The following NEDD9 variants were observed in gnomAD, a reference collection of about 807,000 sequenced individuals.
NEDD9 encodes the protein neural precursor cell expressed, developmentally down-regulated 9, also known as enhancer of filamentation 1.
In NEDD9, 26 loss-of-function variants were observed where a neutral mutation model predicts 76.6. That is an observed-to-expected ratio of 0.34 (90% CI 0.25 to 0.47). The LOEUF (loss-of-function observed/expected upper bound fraction) is 0.47, where lower values mean the gene tolerates loss of function less well. NEDD9 is among the 20% of genes least tolerant of loss of function. The pLI, the probability that NEDD9 is intolerant of heterozygous loss-of-function variation, is 1.00. For missense variants in NEDD9, 937 were observed against 1,058.5 expected, an observed-to-expected ratio of 0.89 and a Z score of 1.59; for synonymous variants, 392 against 414.2, an observed-to-expected ratio of 0.95 and a Z score of 0.65.
chr6:11,231,477 G>C (rs1205045187), intron 1 of NEDD9, among the ~76,000 whole-genome samples: 1 of 152,212 alleles, frequency 6.6e-6, no homozygotes, highest in Non-Finnish European at 1.5e-5. Context: ...AAGCGAAGTA[G>C]CTTCCAGCTA....
chr6:11,286,259 A>T (rs1216633091), intron 3 of NEDD9, among the ~76,000 whole-genome samples: 1 of 152,228 alleles, frequency 6.6e-6, no homozygotes, highest in Non-Finnish European at 1.5e-5. Context: ...ATCATTAGTC[A>T]TTAGAGAAAT....
At chr6:11,364,244 G>A (rs995533326) in intron 1 of NEDD9, among the ~76,000 whole-genome samples, 12 of 152,244 alleles carry the variant, frequency 7.9e-5, no homozygotes, top group East Asian at 5.8e-4. Flanking sequence ...GTCATAACTC[G>A]TTGCTGGAGG....
chr6:11,273,665 A>T (rs964836538), intron 3 of NEDD9, among the ~76,000 whole-genome samples: 6 of 152,204 alleles, frequency 3.9e-5, no homozygotes, highest in South Asian at 4.1e-4. Context: ...CAATGTTATC[A>T]AGATCCGAAT....
chr6:11,200,131 G>T, intron 2 of NEDD9: 1 of 214,632 alleles, frequency 4.7e-6, no homozygotes, highest in Non-Finnish European at 9.9e-6. Flanking sequence ...GGCTGTGCTG[G>T]GTTTTCTACA....
At chr6:11,360,557 TGA>T (rs5874316) in intron 1 of NEDD9, among the ~76,000 whole-genome samples, 3 of 70,810 alleles carry the variant, frequency 4.2e-5, no homozygotes, top group Non-Finnish European at 8.1e-5. Context: ...TGAGTTCTCA[TGA>T]GATCTGGTTG....
At chr6:11,358,278 T>C (rs542814852) in intron 1 of NEDD9, among the ~76,000 whole-genome samples, 260 of 129,856 alleles carry the variant, frequency 2.0e-3, no homozygotes, top group African/African-American at 7.1e-3. Context: ...AAAAAAGCAA[T>C]GGCTCTGCTG....
intron 3 of NEDD9, among the ~76,000 whole-genome samples, chr6:11,282,273 G>A (rs1180308222): frequency 6.6e-6 from 1 of 152,146 alleles, no homozygotes; most frequent in Non-Finnish European, 1.5e-5. Context: ...TTACAGTTTG[G>A]CTTACATGTT....
chr6:11,342,539 C>T (rs1004477219), intron 1 of NEDD9, among the ~76,000 whole-genome samples: 4 of 152,158 alleles, frequency 2.6e-5, no homozygotes, highest in Admixed American at 6.5e-5. Flanking sequence ...TGTAAAAATC[C>T]TATTCACACA....
chr6:11,222,449 AAG>A (rs1422649111), intron 1 of NEDD9, among the ~76,000 whole-genome samples: 2 of 152,218 alleles, frequency 1.3e-5, no homozygotes, highest in Non-Finnish European at 2.9e-5. Flanking sequence ...TGTCTCAAGG[AAG>A]AGTTTTTGAA....
At chr6:11,376,775 A>G (rs1418144932) in intron 1 of NEDD9, among the ~76,000 whole-genome samples, 1 of 152,274 alleles carries the variant, frequency 6.6e-6, no homozygotes, top group Non-Finnish European at 1.5e-5. Context: ...GAGCATAACT[A>G]AAAGGAAGCC....
intron 2 of NEDD9, among the ~76,000 whole-genome samples, chr6:11,309,996 GGGATACATCGACAC>G (rs558956862): frequency 5.8e-4 from 89 of 152,238 alleles, no homozygotes; most frequent in Non-Finnish European, 1.0e-3. Flanking sequence ...ACTGATCCAG[GGGATACATCGACAC>G]GCCACTAGGA....
At chr6:11,356,560 G>A (rs1011267765) in intron 1 of NEDD9, among the ~76,000 whole-genome samples, 2 of 152,116 alleles carry the variant, frequency 1.3e-5, no homozygotes, top group Non-Finnish European at 2.9e-5. Context: ...AGATGGCTGG[G>A]CACCACCCCC....
chr6:11,290,256 T>C (rs1160205708), intron 3 of NEDD9, among the ~76,000 whole-genome samples: 3 of 152,220 alleles, frequency 2.0e-5, no homozygotes, highest in African/African-American at 4.8e-5. Context: ...TATGTTTTCA[T>C]GAGCCACAGC....
intron 2 of NEDD9, among the ~76,000 whole-genome samples, chr6:11,332,399 G>A (rs1217205239): frequency 6.6e-6 from 1 of 152,120 alleles, no homozygotes; most frequent in Non-Finnish European, 1.5e-5. Flanking sequence ...TTCATCAATG[G>A]TTCTCCATTA....
intron 1 of NEDD9, among the ~76,000 whole-genome samples, chr6:11,362,747 T>G (rs1411800939): frequency 6.6e-6 from 1 of 152,226 alleles, no homozygotes; most frequent in African/African-American, 2.4e-5. Flanking sequence ...TGAAGCTCTT[T>G]TATTAAGTGG....
At chr6:11,347,716 G>GAAAAAGCTTTC (rs1411526776) in intron 1 of NEDD9, among the ~76,000 whole-genome samples, 1 of 152,146 alleles carries the variant, frequency 6.6e-6, no homozygotes, top group Non-Finnish European at 1.5e-5. Flanking sequence ...AATAGATGAA[G>GAAAAAGCTTTC]AAAAAGCTTT....
chr6:11,284,167 T>C (rs1471443366), intron 3 of NEDD9, among the ~76,000 whole-genome samples: 1 of 152,052 alleles, frequency 6.6e-6, no homozygotes, highest in Non-Finnish European at 1.5e-5. Context: ...CCTATCATGG[T>C]GAGATCCTGC....
intron 1 of NEDD9, among the ~76,000 whole-genome samples, chr6:11,362,967 A>G (rs1762703169): frequency 6.6e-6 from 1 of 152,244 alleles, no homozygotes; most frequent in African/African-American, 2.4e-5. Flanking sequence ...CTCTACAACC[A>G]TATGGCAATC....
chr6:11,191,490 T>C (rs1758143775), intron 4 of NEDD9, among the ~76,000 whole-genome samples: 6 of 152,332 alleles, frequency 3.9e-5, no homozygotes, highest in Admixed American at 2.0e-4. Context: ...CTGGGTATCC[T>C]TTCTCTGCTG....
Sources: gnomAD v4.1 joint callset for allele counts (sites outside exome capture counted in the v4.1 genomes callset) on GRCh38, gnomAD v4.1.1 for gene constraint, MANE v1.5 for transcripts, NCBI Gene and HGNC (gene_info 2026-07-23, HGNC 2026-07-21) for gene names.